The following NSMCE2 variants were observed in gnomAD, a reference collection of about 807,000 sequenced individuals.
The protein encoded by NSMCE2 is E3 SUMO-protein ligase NSE2.
Under a neutral mutation model 23.8 loss-of-function variants are expected in NSMCE2, and 24 were observed. The observed-to-expected ratio is 1.01, with a 90% CI of 0.73 to 1.42. The LOEUF (loss-of-function observed/expected upper bound fraction) is 1.42, where lower values mean the gene tolerates loss of function less well. Ranked by LOEUF, NSMCE2 falls within the 40% of genes most tolerant of loss-of-function variation. The pLI is 0.00. For synonymous variants in NSMCE2, 92 were observed against 94.1 expected, an observed-to-expected ratio of 0.98 and a Z score of 0.13; for missense variants, 284 against 296.5, an observed-to-expected ratio of 0.96 and a Z score of 0.31.
At chr8:125,320,466 AT>A (rs942582229) in intron 5 of NSMCE2, among the ~76,000 whole-genome samples, 78 of 152,310 alleles carry the variant, frequency 5.1e-4, no homozygotes, top group African/African-American at 1.8e-3. Flanking sequence ...AAAATGAGTG[AT>A]AAAGGGAAAA....
intron 3 of NSMCE2, among the ~76,000 whole-genome samples, chr8:125,114,706 G>GT (rs1563658369): frequency 1.3e-5 from 2 of 152,266 alleles, no homozygotes; most frequent in East Asian, 3.9e-4. Context: ...AAAGAACTGT[G>GT]CAGCCTAAGC....
intron 4 of NSMCE2, among the ~76,000 whole-genome samples, chr8:125,181,805 A>G (rs192245738): frequency 1.3e-5 from 2 of 152,278 alleles, no homozygotes; most frequent in African/African-American, 4.8e-5. Flanking sequence ...TGAAGTTGCC[A>G]CATTTGTGAT....
chr8:125,240,370 G>A (rs939694967), intron 5 of NSMCE2, among the ~76,000 whole-genome samples: 10 of 152,076 alleles, frequency 6.6e-5, no homozygotes, highest in African/African-American at 2.2e-4. Flanking sequence ...TGATCAGCCC[G>A]CCTTGGCCTC....
At chr8:125,170,386 T>C (rs1197557368) in intron 4 of NSMCE2, among the ~76,000 whole-genome samples, 4 of 70,030 alleles carry the variant, frequency 5.7e-5, no homozygotes, top group African/African-American at 3.4e-4. Context: ...CTTTTTTTTT[T>C]TTTTTTTTTT....
At chr8:125,256,406 A>T (rs1431024840) in intron 5 of NSMCE2, among the ~76,000 whole-genome samples, 1 of 152,192 alleles carries the variant, frequency 6.6e-6, no homozygotes, top group Non-Finnish European at 1.5e-5. Context: ...GGGGAATATA[A>T]GGAGGAGGAT....
intron 4 of NSMCE2, among the ~76,000 whole-genome samples, chr8:125,158,531 G>A (rs2130713867): frequency 6.6e-6 from 1 of 152,274 alleles, no homozygotes; most frequent in Admixed American, 6.5e-5. Context: ...AGGTACTGAG[G>A]CGCCCAGTGT....
chr8:125,317,525 C>T (rs1054939365), intron 5 of NSMCE2, among the ~76,000 whole-genome samples: 1 of 152,050 alleles, frequency 6.6e-6, no homozygotes, highest in African/African-American at 2.4e-5. Flanking sequence ...TATACTTCCT[C>T]CCTCCTCCAT....
chr8:125,343,485 A>T (rs1830321843), intron 5 of NSMCE2, among the ~76,000 whole-genome samples: 1 of 152,106 alleles, frequency 6.6e-6, no homozygotes, highest in Non-Finnish European at 1.5e-5. Context: ...AATTTAAAGT[A>T]TGAATTAGCC....
In NSMCE2 at chr8:125,212,734, G is replaced by C. The variant is rs147685848; in HGVS notation, c.418+30478G>C. Among the ~76,000 whole-genome samples, 15 of 152,238 alleles carry C rather than the reference G, an allele frequency of 9.9e-5. No individual in the cohort carries two copies. The East Asian group carries it at 2.9e-3, about 29-fold the overall frequency. On this transcript the variant is annotated intron_variant, in intron 5 of 7. Transcript: ENST00000287437. The stretch of plus-strand genomic sequence containing the variant: ...GATAACATTTTTTAAATGTAGGATA[G>C]GATCAGTTCACTGTATACAGTTGCA...
chr8:125,095,916 A>G (rs939851619), intron 1 of NSMCE2, among the ~76,000 whole-genome samples: 5 of 151,904 alleles, frequency 3.3e-5, no homozygotes, highest in Non-Finnish European at 5.9e-5. Flanking sequence ...AGAAAATTGA[A>G]TACTGGAATT....
At chr8:125,113,181 A>G (rs983673900) in intron 3 of NSMCE2, among the ~76,000 whole-genome samples, 4 of 151,866 alleles carry the variant, frequency 2.6e-5, no homozygotes, top group African/African-American at 7.3e-5. Context: ...TAGTGTTACC[A>G]TTGTAGACTT....
intron 5 of NSMCE2, among the ~76,000 whole-genome samples, chr8:125,223,494 A>G (rs1374925321): frequency 1.3e-5 from 2 of 152,236 alleles, no homozygotes; most frequent in African/African-American, 2.4e-5. Flanking sequence ...ATTTGTATGT[A>G]TACCCAGAAG....
chr8:125,277,493 G>A (rs1045980914), intron 5 of NSMCE2, among the ~76,000 whole-genome samples: 1 of 151,590 alleles, frequency 6.6e-6, no homozygotes, highest in Non-Finnish European at 1.5e-5. Flanking sequence ...CAAATAATTT[G>A]TCATCTTCTT....
At chr8:125,323,506 C>G (rs959420710) in intron 5 of NSMCE2, among the ~76,000 whole-genome samples, 2 of 152,164 alleles carry the variant, frequency 1.3e-5, no homozygotes, top group African/African-American at 2.4e-5. Flanking sequence ...CATAGGCAGC[C>G]AATTAATTTT....
chr8:125,174,185 T>A (rs34427316), intron 4 of NSMCE2, among the ~76,000 whole-genome samples: 10,065 of 152,186 alleles, frequency 0.066, 428 homozygotes, highest in South Asian at 0.15. Flanking sequence ...ATCTGCTTGA[T>A]TATTTGAATA....
intron 3 of NSMCE2, among the ~76,000 whole-genome samples, chr8:125,141,935 G>C (rs1464680959): frequency 6.6e-6 from 1 of 152,118 alleles, no homozygotes; most frequent in Non-Finnish European, 1.5e-5. Flanking sequence ...TTCTGAACTT[G>C]GGGGAGGGGT....
In NSMCE2 at chr8:125,197,415, T is replaced by A. The variant is rs187473647; in HGVS notation, c.418+15159T>A. Among the ~76,000 whole-genome samples the A allele has an allele frequency of 9.3e-4, 142 of 152,356 alleles. 3 individuals are homozygous for A. The South Asian group carries it at 0.012, about 13-fold the overall frequency. On this transcript the variant is annotated intron_variant, in intron 5 of 7. Coordinates refer to ENST00000287437, the MANE Select transcript of NSMCE2 (RefSeq NM_173685.4). ...GGATCCAGTTTCAGCTTTCTACATA[T>A]GACTAGCCAGTTTTCCCAGCACCAT...
At chr8:125,357,372 C>A in intron 6 of NSMCE2, 53 bp downstream of exon 6, 1 of 1,206,314 alleles carries the variant, frequency 8.3e-7, no homozygotes, top group Non-Finnish European at 1.2e-6. Flanking sequence ...TTCACAGAGG[C>A]AGAAAGGTTC....
At chr8:125,293,936 G>T (rs934388908) in intron 5 of NSMCE2, among the ~76,000 whole-genome samples, 2 of 152,150 alleles carry the variant, frequency 1.3e-5, no homozygotes, top group African/African-American at 4.8e-5. Context: ...AAGAAATCCT[G>T]TATAATCCTG....
Sources: gnomAD v4.1 joint callset for allele counts (sites outside exome capture counted in the v4.1 genomes callset) on GRCh38, gnomAD v4.1.1 for gene constraint, MANE v1.5 for transcripts, NCBI Gene and HGNC (gene_info 2026-07-23, HGNC 2026-07-21) for gene names.